The following GALNT13 variants were observed in gnomAD, a reference collection of about 807,000 sequenced individuals.
The protein encoded by GALNT13 is polypeptide N-acetylgalactosaminyltransferase 13.
A neutral mutation model predicts 64.2 loss-of-function variants in GALNT13; 28 were observed. That is an observed-to-expected ratio of 0.44 (90% CI 0.32 to 0.60). The LOEUF (loss-of-function observed/expected upper bound fraction) is 0.60, where lower values mean the gene tolerates loss of function less well. GALNT13 is among the 20% of genes least tolerant of loss of function. The pLI, the probability that GALNT13 is intolerant of heterozygous loss-of-function variation, is 0.05. For synonymous variants in GALNT13, 214 were observed against 224.6 expected (o/e 0.95, Z 0.42); for missense variants, 577 against 669.8 (o/e 0.86, Z 1.53).
Position 154,186,834 on chromosome 2 carries a change from C to T in GALNT13, c.311+46329C>T, listed in dbSNP as rs189382466. On this transcript the variant is annotated intron_variant, in intron 4 of 12. Transcript: ENST00000392825. The stretch of plus-strand genomic sequence containing the variant: ...ATACTCTTTGCCTTCAAACTTAAAC[C>T]AAATCATATAGGAAGCCAGATGTCA... Among the ~76,000 whole-genome samples the T allele has an allele frequency of 2.0e-4, 31 of 152,072 alleles. No homozygotes were observed. The South Asian group carries it at 2.3e-3, about 11-fold the overall frequency.
intron 9 of GALNT13, among the ~76,000 whole-genome samples, chr2:154,394,023 A>G (rs1698932730): frequency 8.0e-6 from 1 of 124,852 alleles, no homozygotes; most frequent in Non-Finnish European, 1.6e-5. Context: ...GCTTGCAGTG[A>G]GCCGAGATTG....
chr2:153,399,335 T>C, the GALNT13 span, among the ~76,000 whole-genome samples: 1 of 152,228 alleles, frequency 6.6e-6, no homozygotes, highest in Non-Finnish European at 1.5e-5. Context: ...AGCCTTGTAG[T>C]ATAGTTTGAA....
chr2:153,997,828 G>A (rs1415721537), intron 3 of GALNT13, among the ~76,000 whole-genome samples: 1 of 152,032 alleles, frequency 6.6e-6, no homozygotes, highest in Admixed American at 6.6e-5. Context: ...GGTGTGTGGT[G>A]TTCCCCTCCC....
chr2:153,845,085 T>G, the GALNT13 span, among the ~76,000 whole-genome samples: 1 of 152,200 alleles, frequency 6.6e-6, no homozygotes, highest in African/African-American at 2.4e-5. Context: ...CTCCAAAGTC[T>G]TTCAACTTTG....
the GALNT13 span, among the ~76,000 whole-genome samples, chr2:153,805,410 A>G: frequency 2.0e-5 from 3 of 152,132 alleles, no homozygotes; most frequent in African/African-American, 7.2e-5. Context: ...TTGATTTTCA[A>G]ATATAAAGGT....
chr2:153,747,706 C>T, the GALNT13 span, among the ~76,000 whole-genome samples: 6 of 152,038 alleles, frequency 3.9e-5, no homozygotes, highest in African/African-American at 1.4e-4. Context: ...GGATTACAGA[C>T]GTGAGCCACT....
intron 12 of GALNT13, among the ~76,000 whole-genome samples, chr2:154,440,133 GTTC>G (rs997318077): frequency 2.6e-5 from 4 of 152,098 alleles, no homozygotes; most frequent in Non-Finnish European, 5.9e-5. Flanking sequence ...AATAAAACTT[GTTC>G]TTCTTGTTGT....
At chr2:154,287,564 T>A (rs577002860) in intron 8 of GALNT13, 1 of 241,256 alleles carries the variant, frequency 4.1e-6, no homozygotes, top group Non-Finnish European at 8.4e-6. Context: ...TTCTTCTGCT[T>A]GTTCTACTTG....
the GALNT13 span, among the ~76,000 whole-genome samples, chr2:153,476,360 G>A: frequency 6.6e-6 from 1 of 152,170 alleles, no homozygotes; most frequent in South Asian, 2.1e-4. Flanking sequence ...CCATTGTGAA[G>A]TCTTTGAAAT....
chr2:153,255,177 G>A, the GALNT13 span, among the ~76,000 whole-genome samples: 7 of 149,682 alleles, frequency 4.7e-5, no homozygotes, highest in Non-Finnish European at 1.0e-4. Context: ...TATATATTTA[G>A]GATAGTTAGC....
intron 11 of GALNT13, among the ~76,000 whole-genome samples, chr2:154,424,523 C>T (rs1358811792): frequency 6.6e-6 from 1 of 152,148 alleles, no homozygotes; most frequent in African/African-American, 2.4e-5. Context: ...GCACCTCTGA[C>T]CCTCTGGGGG....
At chr2:153,565,050 T>A in the GALNT13 span, among the ~76,000 whole-genome samples, 1 of 152,120 alleles carries the variant, frequency 6.6e-6, no homozygotes, top group Admixed American at 6.5e-5. Context: ...AGATTTCTAC[T>A]TCAGTGGGTC....
At chr2:154,156,121 G>A (rs1684406709) in intron 4 of GALNT13, among the ~76,000 whole-genome samples, 1 of 151,826 alleles carries the variant, frequency 6.6e-6, no homozygotes, top group African/African-American at 2.4e-5. Flanking sequence ...AATGTCATAG[G>A]AGACTTTCTG....
the GALNT13 span, among the ~76,000 whole-genome samples, chr2:153,320,826 G>A: frequency 6.6e-6 from 1 of 152,068 alleles, no homozygotes; most frequent in African/African-American, 2.4e-5. Context: ...AGTAGCTTTG[G>A]TTCAATTCTT....
the GALNT13 span, among the ~76,000 whole-genome samples, chr2:153,603,747 T>A: frequency 6.6e-6 from 1 of 151,968 alleles, no homozygotes; most frequent in Non-Finnish European, 1.5e-5. Context: ...ACAATGCAAG[T>A]TCAACATTAG....
chr2:153,229,937 C>A, the GALNT13 span, among the ~76,000 whole-genome samples: 1 of 152,198 alleles, frequency 6.6e-6, no homozygotes, highest in Admixed American at 6.5e-5. Flanking sequence ...ATACACTCAG[C>A]ACCTTTGGTA....
the GALNT13 span, among the ~76,000 whole-genome samples, chr2:153,500,997 C>T: frequency 6.6e-6 from 1 of 151,922 alleles, no homozygotes; most frequent in Non-Finnish European, 1.5e-5. Flanking sequence ...CTAAGCACAT[C>T]AAATAATCCT....
chr2:153,553,157 T>C, the GALNT13 span, among the ~76,000 whole-genome samples: 1 of 152,172 alleles, frequency 6.6e-6, no homozygotes, highest in African/African-American at 2.4e-5. Flanking sequence ...AACTAAGATA[T>C]GGAGTGGATA....
chr2:153,665,068 G>A, the GALNT13 span, among the ~76,000 whole-genome samples: 7 of 152,310 alleles, frequency 4.6e-5, no homozygotes, highest in African/African-American at 1.7e-4. Context: ...TACTTATCAT[G>A]CTAGTGTATA....
Sources: gnomAD v4.1 joint callset for allele counts (sites outside exome capture counted in the v4.1 genomes callset) on GRCh38, gnomAD v4.1.1 for gene constraint, MANE v1.5 for transcripts, NCBI Gene and HGNC (gene_info 2026-07-23, HGNC 2026-07-21) for gene names.